Variants in URB1 observed in about 807,000 individuals in gnomAD.
URB1 encodes the protein nucleolar pre-ribosomal-associated protein 1.
A neutral mutation model predicts 242.3 loss-of-function variants in URB1; 197 were observed. The ratio of observed to expected loss-of-function variants is 0.81; its 90% CI spans 0.72 to 0.91. The LOEUF is 0.91. URB1 is among the 40% of genes least tolerant of loss of function. The pLI, the probability that URB1 is intolerant of heterozygous loss-of-function variation, is 0.00. For synonymous variants in URB1, 1,153 were observed against 1,201.8 expected (o/e 0.96, Z 0.84); for missense variants, 2,721 against 2,860.5 (o/e 0.95, Z 1.11).
At chr21:32,383,958 G>A (rs2033554107) in intron 3 of URB1, among the ~76,000 whole-genome samples, 1 of 152,170 alleles carries the variant, frequency 6.6e-6, no homozygotes, top group Non-Finnish European at 1.5e-5. Flanking sequence ...GGTTTTCTGA[G>A]CACCTGCTAC....
At position 32,368,412 on chromosome 21, in the gene URB1, T is replaced by G; in HGVS notation, c.1188A>C (p.Leu396=). The change falls in exon 9 of 39, where the codon CTA becomes CTC. Residue 396 remains leucine, a synonymous_variant. Coordinates refer to ENST00000382751, the MANE Select transcript of URB1 (RefSeq NM_014825.3). ...TATCATGTTTTTTTACCTTGTTTAG[T>G]AGTTTGATATTATTTAACCAAGTAG... is the stretch of plus-strand genomic sequence containing the variant. The part of the protein sequence containing the change: ...AKSTWLNNIK[L]LNKIYEAQPE... 1 of 1,542,750 alleles carries G rather than the reference T, an allele frequency of 6.5e-7. No homozygotes were observed. The highest frequency in any genetic ancestry group is 8.7e-7 in the Non-Finnish European group (1 of 1,143,300).
intron 25 of URB1, 50 bp downstream of exon 25, chr21:32,341,416 C>T (rs990005462): frequency 5.9e-6 from 9 of 1,524,940 alleles, no homozygotes; most frequent in African/African-American, 4.1e-5. Context: ...GCATGCTGAA[C>T]GACATTCACA....
chr21:32,345,552 A>C lies in URB1; in HGVS notation c.3892T>G (p.Leu1298Val). 2 of 1,545,412 alleles carry C rather than the reference A, an allele frequency of 1.3e-6. No homozygotes were observed. The highest frequency in any genetic ancestry group is 1.7e-4 in the Middle Eastern group (1 of 5,950). The change falls in exon 23 of 39, where the codon TTG (leucine) becomes GTG (valine). Residue 1298 changes from leucine to valine, a missense_variant. By Grantham distance (32) the Leu-to-Val change is conservative. Transcript: ENST00000382751. ...AGCTGCCTCCACAGGGTCTTCCTCA[A>C]GACAGGAATGACAGCGGAAGACACT... ...AGVSSAVIPVLRKTLWRQLQS... is the reference protein window; with the variant it reads ...AGVSSAVIPVVRKTLWRQLQS...
rs1197956378 is a variant in URB1 at position 32,333,376 on chromosome 21, A to G, written c.4901T>C (p.Leu1634Pro). The G allele has an allele frequency of 6.4e-7, 1 of 1,551,772 alleles. No homozygotes were observed. Among genetic ancestry groups the G allele is most frequent in the Admixed American group, 2.0e-5 (1 of 51,008 alleles). Residue 1634 changes from leucine to proline, a missense_variant, in exon 30 of 39, where the codon CTT becomes CCT. Leu to Pro is a moderately conservative substitution (Grantham distance 98). Transcript: ENST00000382751. ...AAAGCAGGGGTCATAGAGGCCATCA[A>G]GATCCACCCTGCTTTTGTCTTTGAA... is the stretch of plus-strand genomic sequence containing the variant. ...LIFKDKSRVDLDGLYDPCFLL... is the reference protein window; with the variant it reads ...LIFKDKSRVDPDGLYDPCFLL...
chr21:32,324,528 G>C lies in URB1; in HGVS notation c.5196C>G (p.Leu1732=). 1 of 1,551,950 alleles carries C rather than the reference G, an allele frequency of 6.4e-7. No individual in the cohort carries two copies. The highest frequency in any genetic ancestry group is 2.4e-5 in the East Asian group (1 of 40,928). The change falls in exon 32 of 39, where the codon CTC becomes CTG. Residue 1732 remains leucine, a synonymous_variant. Coordinates refer to ENST00000382751, the MANE Select transcript of URB1 (RefSeq NM_014825.3). The part of the protein sequence containing the change: ...QDMRLTFTLA[L]FIAKAALQIL... Reference sequence around the variant, plus strand: ...TCTGCAGGGCTGCTTTGGCAATGAAGAGAGCCAAGGTAAAAGTAAGTCTCA... The same window carrying C: ...TCTGCAGGGCTGCTTTGGCAATGAACAGAGCCAAGGTAAAAGTAAGTCTCA...
Position 32,337,399 on chromosome 21 carries a change from C to G in URB1, c.4621+5G>C, listed in dbSNP as rs2032973241. 6.5e-7 allele frequency: 1 copy of G among 1,549,106 alleles called. No homozygotes were observed. ...GCTCACACTACCCAGCCCTCACACC[C>G]TCACCTAGGACGCTGAGAGTGGCGC... On this transcript the variant is annotated splice_donor_5th_base_variant and intron_variant, in intron 27 of 38. Transcript: ENST00000382751.
In URB1 at chr21:32,392,749, G is replaced by C; in HGVS notation, c.142+20C>G. 7.1e-7 allele frequency: 1 copy of C among 1,418,282 alleles called. No individual in the cohort carries two copies. Among genetic ancestry groups the C allele is most frequent in the Non-Finnish European group, 9.2e-7 (1 of 1,085,020 alleles). 87.9% of individuals were successfully genotyped at this position (1,418,282 alleles called of 1,614,324 possible). ...CGCCAGCCTGTGCTCCCGACCCTGC[G>C]CCTGCCGCCCCGGACTCACCTGGCC... On this transcript the variant is annotated intron_variant, in intron 1 of 38. Transcript: ENST00000382751.
At chr21:32,344,831 C>CTTTACGTTTTAATCCAGTAT (rs989560010) in intron 23 of URB1, 75 bp from the exon 24 acceptor site, 346 of 1,458,226 alleles carry the variant, frequency 2.4e-4, no homozygotes, top group Non-Finnish European at 3.0e-4. Context: ...TCCAGCATCA[C>CTTTACGTTTTAATCCAGTAT]AAAGAGCCAT....
chr21:32,343,352 T>TTTC lies in URB1; in HGVS notation c.4257+1217_4257+1218insGAA, dbSNP rs1334132146. On this transcript the variant is annotated intron_variant, in intron 24 of 38. Transcript: ENST00000382751. ...TCAGCAACAAAAAGTAAGAAACTACTTATTCCCACCACATGGATGAATCTG... is the reference window on the plus strand; with the variant it reads ...TCAGCAACAAAAAGTAAGAAACTACTTTCTATTCCCACCACATGGATGAATCTG... Among the ~76,000 whole-genome samples the TTTC allele has an allele frequency of 7.3e-4, 109 of 149,550 alleles. 2 individuals carry two copies. Among genetic ancestry groups the TTTC allele is most frequent in the African/African-American group, 2.5e-3 (104 of 41,212 alleles).
chr21:32,359,873 G>T lies in URB1; in HGVS notation c.1792C>A (p.Pro598Thr), dbSNP rs2033264262. 3 of 1,547,958 alleles carry T rather than the reference G, an allele frequency of 1.9e-6. No individual in the cohort carries two copies. Among genetic ancestry groups the T allele is most frequent in the Non-Finnish European group, 2.6e-6 (3 of 1,145,618 alleles). The change falls in exon 14 of 39, where the codon CCT becomes ACT. Residue 598 changes from proline to threonine, a missense_variant. Pro to Thr is a conservative substitution (Grantham distance 38). Coordinates refer to ENST00000382751, the MANE Select transcript of URB1 (RefSeq NM_014825.3). Reference sequence around the variant, plus strand: ...AGCATGTGGTGCTGCAGAATGGGAGGCACCTCCTCTCGAAGGCCCTGCTCA... The same window carrying T: ...AGCATGTGGTGCTGCAGAATGGGAGTCACCTCCTCTCGAAGGCCCTGCTCA... Reference protein sequence around the residue: ...ISEQGLREEVPPILQHHMLKV... With the variant: ...ISEQGLREEVTPILQHHMLKV...
At chr21:32,323,880 C>G (rs2032796260) in intron 32 of URB1, among the ~76,000 whole-genome samples, 1 of 152,148 alleles carries the variant, frequency 6.6e-6, no homozygotes, top group South Asian at 2.1e-4. Flanking sequence ...AAGAGATTAC[C>G]TGAGCCTGGG....
chr21:32,359,774 G>T, intron 14 of URB1, 22 bp downstream of exon 14: 1 of 1,528,566 alleles, frequency 6.5e-7, no homozygotes. Context: ...TAGGGCAGAA[G>T]ACTGGGAGTT....
chr21:32,324,459 A>G (rs2032804116), intron 32 of URB1, 32 bp downstream of exon 32: 1 of 1,521,936 alleles, frequency 6.6e-7, no homozygotes, highest in Non-Finnish European at 8.9e-7. Context: ...CAGCTTTTCA[A>G]TTTCCCCTCA....
At chr21:32,375,781 A>G (rs907121231) in intron 5 of URB1, among the ~76,000 whole-genome samples, 1 of 151,678 alleles carries the variant, frequency 6.6e-6, no homozygotes, top group African/African-American at 2.4e-5. Context: ...CCTGTCTCCA[A>G]AAAAAAATTT....
intron 24 of URB1, among the ~76,000 whole-genome samples, chr21:32,343,788 C>A (rs939459501): frequency 6.6e-6 from 1 of 152,032 alleles, no homozygotes; most frequent in Non-Finnish European, 1.5e-5. Flanking sequence ...AAACTATAAA[C>A]CTACAGACCA....
rs1314792724 is a variant in URB1 at position 32,372,616 on chromosome 21, C to T, written c.892G>A (p.Ala298Thr). The T allele has an allele frequency of 8.4e-6, 13 of 1,550,214 alleles. No individual in the cohort carries two copies. Among genetic ancestry groups the T allele is most frequent in the African/African-American group, 1.4e-5 (1 of 73,086 alleles). The change falls in exon 8 of 39, where the codon GCA becomes ACA. Residue 298 changes from alanine to threonine, a missense_variant. By Grantham distance (58) the Ala-to-Thr change is moderately conservative. Transcript: ENST00000382751. ...AGCTCCCGCACCATGGTTTTCCCTG[C>T]TTCTTCGGCAGAAACCTATGAAGAT... is the stretch of plus-strand genomic sequence containing the variant. ...PENVKVSAEE[A>T]GKTMVRELVH...
At chr21:32,360,259 A>G (rs1435446958) in intron 13 of URB1, among the ~76,000 whole-genome samples, 2 of 152,164 alleles carry the variant, frequency 1.3e-5, no homozygotes, top group Non-Finnish European at 2.9e-5. Flanking sequence ...CCAGACAGCA[A>G]GCATTTTGTG....
intron 8 of URB1, among the ~76,000 whole-genome samples, chr21:32,369,202 AAC>A (rs1233058128): frequency 6.6e-6 from 1 of 152,166 alleles, no homozygotes; most frequent in East Asian, 1.9e-4. Flanking sequence ...CTCTATTAAA[AAC>A]ACAAAAAAAT....
intron 30 of URB1, 133 bp downstream of exon 30, chr21:32,333,184 C>T: frequency 2.5e-6 from 2 of 784,720 alleles, no homozygotes; most frequent in Non-Finnish European, 4.3e-6. Context: ...ATGAGGATGG[C>T]TGAAGATCCT....
Sources: allele counts gnomAD v4.1 joint callset (sites outside exome capture counted in the v4.1 genomes callset), GRCh38; gene constraint gnomAD v4.1.1; transcripts MANE v1.5; gene names NCBI Gene and HGNC (gene_info 2026-07-23, HGNC 2026-07-21).